Variants in TNIP1 observed in about 807,000 individuals in gnomAD.
TNIP1 encodes TNFAIP3 interacting protein 1.
TNIP1 carries 22 observed loss-of-function variants against 86.6 expected under a neutral mutation model. That is an observed-to-expected ratio of 0.25 (90% CI 0.18 to 0.36). The LOEUF (loss-of-function observed/expected upper bound fraction) is 0.36. Among genes scored for constraint, TNIP1 ranks in the 10% least tolerant of loss-of-function variants. TNIP1 has a pLI of 1.00. For synonymous variants in TNIP1, 294 were observed against 313.0 expected (o/e 0.94, Z 0.64); for missense variants, 709 against 820.6 (o/e 0.86, Z 1.66).
At chr5:151,043,254 G>C (rs1193947180) in intron 9 of TNIP1, among the ~76,000 whole-genome samples, 1 of 152,168 alleles carries the variant, frequency 6.6e-6, no homozygotes, top group Non-Finnish European at 1.5e-5. Context: ...AGGGCAGTCT[G>C]GGATTATGTA....
intron 6 of TNIP1, 121 bp downstream of exon 6, chr5:151,056,645 C>G (rs960205801): frequency 3.0e-6 from 3 of 990,006 alleles, no homozygotes; most frequent in Non-Finnish European, 4.1e-6. Flanking sequence ...CCGAAGTCTG[C>G]CCACAACACA....
chr5:151,075,645 T>A (rs952141277), intron 1 of TNIP1, among the ~76,000 whole-genome samples: 1 of 152,380 alleles, frequency 6.6e-6, no homozygotes, highest in East Asian at 1.9e-4. Flanking sequence ...TAAAAGTCTA[T>A]GTTGCCAGTT....
chr5:151,044,701 G>T (rs1023693063), intron 9 of TNIP1, among the ~76,000 whole-genome samples: 1 of 152,180 alleles, frequency 6.6e-6, no homozygotes, highest in African/African-American at 2.4e-5. Flanking sequence ...GGAACAGACA[G>T]AACAAGTGTC....
chr5:151,036,678 G>C (rs1422604834), intron 13 of TNIP1, 112 bp downstream of exon 13: 4 of 1,541,360 alleles, frequency 2.6e-6, no homozygotes, highest in Non-Finnish European at 3.5e-6. Context: ...CCAATGGCCA[G>C]AAAGTGGATT....
chr5:151,047,438 G>A (rs1446567027), intron 8 of TNIP1, among the ~76,000 whole-genome samples: 2 of 152,098 alleles, frequency 1.3e-5, no homozygotes, highest in Non-Finnish European at 2.9e-5. Flanking sequence ...GGAAAATGAG[G>A]GAGAAGAGAC....
intron 9 of TNIP1, 102 bp from the exon 10 acceptor site, chr5:151,043,063 G>A (rs1032685566): frequency 9.5e-6 from 11 of 1,161,784 alleles, no homozygotes; most frequent in Non-Finnish European, 1.3e-5. Flanking sequence ...TGCTCGGTGT[G>A]TGTGAATAGT....
At position 151,035,048 on chromosome 5, in the gene TNIP1, T is replaced by A; in HGVS notation, c.1541A>T (p.Glu514Val). ...TCTGAGGGCTTCTCTTGCCTTCTCCTCATCTTTGAATGCTTTTAGCTGAGA... is the reference window on the plus strand; with the variant it reads ...TCTGAGGGCTTCTCTTGCCTTCTCCACATCTTTGAATGCTTTTAGCTGAGA... The part of the protein sequence containing the change: ...SNAQLKAFKD[E>V]EKAREALRQQ... Residue 514 changes from glutamate (E) to valine (V), a missense_variant, in exon 15 of 18, where the codon GAG becomes GTG. Coordinates refer to ENST00000521591, the MANE Select transcript of TNIP1 (RefSeq NM_006058.5). 1 of 1,614,022 alleles carries A rather than the reference T, an allele frequency of 6.2e-7. No homozygotes were observed. Among genetic ancestry groups the A allele is most frequent in the Non-Finnish European group, 8.5e-7 (1 of 1,179,952 alleles).
chr5:151,054,440 G>T (rs192459114), intron 6 of TNIP1, among the ~76,000 whole-genome samples: 3 of 152,174 alleles, frequency 2.0e-5, no homozygotes, highest in Admixed American at 6.5e-5. Context: ...CAGCACTTTG[G>T]GAGGCTGAGG....
At chr5:151,049,978 T>C (rs1463708103) in intron 7 of TNIP1, 31 bp from the exon 8 acceptor site, 9 of 1,613,284 alleles carry the variant, frequency 5.6e-6, no homozygotes, top group Non-Finnish European at 6.8e-6. Flanking sequence ...GAAATCACAA[T>C]GCTGACCCTG....
intron 1 of TNIP1, among the ~76,000 whole-genome samples, chr5:151,076,862 G>T (rs1763455534): frequency 6.6e-6 from 1 of 152,198 alleles, no homozygotes; most frequent in African/African-American, 2.4e-5. Flanking sequence ...TGCAAGCCAG[G>T]TGTCTTCAAA....
At position 151,051,777 on chromosome 5, in the gene TNIP1, C is replaced by G. The variant is rs541564905; in HGVS notation, c.722+388G>C. Among the ~76,000 whole-genome samples the G allele has an allele frequency of 3.3e-5, 5 of 152,254 alleles. No individual in the cohort carries two copies. The South Asian group carries it at 1.0e-3, about 32-fold the overall frequency. ...CTCAGTTAAGTCTAAGCCCCCTAGTCCAGTGGGGGAGCTCTCATGTTCTCA... is the reference window on the plus strand; with the variant it reads ...CTCAGTTAAGTCTAAGCCCCCTAGTGCAGTGGGGGAGCTCTCATGTTCTCA... On this transcript the variant is annotated intron_variant, in intron 7 of 17. Coordinates refer to ENST00000521591, the MANE Select transcript of TNIP1 (RefSeq NM_006058.5).
chr5:151,086,588 TACAC>T (rs927617144), intron 1 of TNIP1, among the ~76,000 whole-genome samples: 9 of 152,098 alleles, frequency 5.9e-5, no homozygotes, highest in African/African-American at 1.4e-4. Context: ...TACACACAGA[TACAC>T]ACACAAATAC....
chr5:151,030,710 G>A lies in TNIP1; in HGVS notation c.*3C>T. On this transcript the variant is annotated 3_prime_UTR_variant, in exon 18 of 18. Transcript: ENST00000521591. ...AGGTGGAGCCAAATGACACAATCTGGTCTCACTGAGGCCCCTCACGGTCAT... is the reference window on the plus strand; with the variant it reads ...AGGTGGAGCCAAATGACACAATCTGATCTCACTGAGGCCCCTCACGGTCAT... The A allele has an allele frequency of 1.2e-6, 2 of 1,614,022 alleles. No individual in the cohort carries two copies.
chr5:151,045,428 T>C (rs900214913), intron 9 of TNIP1, among the ~76,000 whole-genome samples: 4 of 152,120 alleles, frequency 2.6e-5, no homozygotes, highest in African/African-American at 7.2e-5. Flanking sequence ...ACAGTAAATT[T>C]ATGGAGCCTC....
At chr5:151,059,822 AGAGAGAGTGTGTGTGT>A (rs1230503621) in intron 5 of TNIP1, among the ~76,000 whole-genome samples, 13 of 86,490 alleles carry the variant, frequency 1.5e-4, no homozygotes, top group Admixed American at 4.0e-4. Flanking sequence ...AGAGAGAGAG[AGAGAGAGTGTGTGTGT>A]GTGTGTGTGT....
chr5:151,046,174 C>T (rs1392685954), intron 8 of TNIP1: 1 of 554,228 alleles, frequency 1.8e-6, no homozygotes, highest in East Asian at 3.1e-5. Flanking sequence ...GGCTGCCAGG[C>T]CCTCTCCCCT....
At chr5:151,035,859 C>T in intron 13 of TNIP1, 152 bp from the exon 14 acceptor site, 1 of 911,652 alleles carries the variant, frequency 1.1e-6, no homozygotes, top group Non-Finnish European at 1.6e-6. Context: ...CCAGCCTCCA[C>T]CTTAACTTCA....
chr5:151,060,186 C>T lies in TNIP1; in HGVS notation c.435+132G>A. Reference sequence around the variant, plus strand: ...AGCGAGAAGCACCCTTTGCTCCTGCCCCTCGTGTATCCCCAAGTGACTCCA... The same window carrying T: ...AGCGAGAAGCACCCTTTGCTCCTGCTCCTCGTGTATCCCCAAGTGACTCCA... On this transcript the variant is annotated intron_variant, in intron 5 of 17. Transcript: ENST00000521591. 4.6e-6 allele frequency: 4 copies of T among 875,210 alleles called. No homozygotes were observed. The Admixed American group carries it at 8.6e-5, about 19-fold the overall frequency. The allele number at this position is 875,210 out of a possible 1,614,324, so 54.2% of individuals were successfully genotyped here. A position where few individuals can be genotyped will look rare whatever the true frequency, so the allele number is the denominator to read the frequency against.
intron 9 of TNIP1, 31 bp downstream of exon 9, chr5:151,045,830 T>TC: frequency 6.2e-7 from 1 of 1,603,588 alleles, no homozygotes; most frequent in Non-Finnish European, 8.5e-7. Context: ...GTAAGAGGGA[T>TC]CCTCCCACTA....
Sources: allele counts gnomAD v4.1 joint callset (sites outside exome capture counted in the v4.1 genomes callset), GRCh38; gene constraint gnomAD v4.1.1; transcripts MANE v1.5; gene names NCBI Gene and HGNC (gene_info 2026-07-23, HGNC 2026-07-21).